EPB41L3: variants seen among roughly 807,000 people sequenced by gnomAD.
EPB41L3 encodes the protein erythrocyte membrane protein band 4.1 like 3, also known as band 4.1-like protein 3.
A neutral mutation model predicts 127.1 loss-of-function variants in EPB41L3; 57 were observed. The observed-to-expected ratio is 0.45, with a 90% confidence interval of 0.36 to 0.56. The LOEUF is 0.56. Among genes scored for constraint, EPB41L3 ranks in the 20% least tolerant of loss-of-function variants. The pLI, the probability that EPB41L3 is intolerant of heterozygous loss-of-function variation, is 0.00. For synonymous variants in EPB41L3, 572 were observed against 549.5 expected, an observed-to-expected ratio of 1.04 and a Z score of -0.57; for missense variants, 1,273 against 1,372.2, an observed-to-expected ratio of 0.93 and a Z score of 1.14.
At chr18:5,442,369 A>G (rs997488085) in intron 5 of EPB41L3, among the ~76,000 whole-genome samples, 2 of 152,190 alleles carry the variant, frequency 1.3e-5, no homozygotes, top group Non-Finnish European at 2.9e-5. Flanking sequence ...TCCCTCAAAC[A>G]TACGGTAAAG....
rs2079374959 is a variant in EPB41L3 at position 5,434,028 on chromosome 18, G to A, written c.699C>T (p.Val233=). ...VTLALLGSYT[V]QSELGDYDPD... ...GGTCATAGTCTCCGAGCTCTGACTG[G>A]ACAGTGTAGGAGCCCAGCAAGGCCA... Residue 233 remains valine (V), a synonymous_variant, in exon 7 of 23, where the codon GTC becomes GTT. Coordinates refer to ENST00000341928, the MANE Select transcript of EPB41L3 (RefSeq NM_012307.5). 6.2e-7 allele frequency: 1 copy of A among 1,614,138 alleles called. No homozygotes were observed. The highest frequency in any genetic ancestry group is 8.5e-7 in the Non-Finnish European group (1 of 1,180,020).
In EPB41L3 at chr18:5,424,304, T is replaced by C; in HGVS notation, c.1121A>G (p.Lys374Arg). The C allele has an allele frequency of 1.2e-6, 2 of 1,609,004 alleles. No homozygotes were observed. Among genetic ancestry groups the C allele is most frequent in the Non-Finnish European group, 1.7e-6 (2 of 1,177,766 alleles). ...GFKLPNHRAAKRLWKVCVEHH... is the reference protein window; with the variant it reads ...GFKLPNHRAARRLWKVCVEHH... ...CTCAACACATACTTTCCATAAACGC[T>C]TGGCAGCTCGATGGTTTGGCAGCTT... The change falls in exon 10 of 23, where the codon AAG (lysine) becomes AGG (arginine). Residue 374 changes from lysine to arginine, a missense_variant. Lys to Arg is a conservative substitution (Grantham distance 26). This residue lies in a region of EPB41L3 where 326 missense variants were observed against 440.2 expected (regional missense o/e 0.74). Coordinates refer to ENST00000341928, the MANE Select transcript of EPB41L3 (RefSeq NM_012307.5).
Position 5,543,621 on chromosome 18 carries a change from G to A in EPB41L3, c.-12+292C>T, listed in dbSNP as rs983441303. Among the ~76,000 whole-genome samples, 2 of 147,206 alleles carry A rather than the reference G, an allele frequency of 1.4e-5. No individual in the cohort carries two copies. Among genetic ancestry groups the A allele is most frequent in the African/African-American group, 4.9e-5 (2 of 40,966 alleles). ...AGGGAGGCCCCCAGGCCGGAGGCCG[G>A]GGCTCAGGCTCTGCGCGCCGGCCCA... is the stretch of plus-strand genomic sequence containing the variant. On this transcript the variant is annotated intron_variant, in intron 1 of 22. Coordinates refer to ENST00000341928, the MANE Select transcript of EPB41L3 (RefSeq NM_012307.5). The surrounding 1 kb of genome is among the most constrained non-coding windows in gnomAD (Gnocchi z 5.2).
chr18:5,533,991 C>A (rs541286649), intron 1 of EPB41L3, among the ~76,000 whole-genome samples: 3 of 152,160 alleles, frequency 2.0e-5, no homozygotes, highest in African/African-American at 7.2e-5. Context: ...AGTGAAACCC[C>A]GTCTCCACTA....
chr18:5,432,360 C>G (rs2079118026), intron 8 of EPB41L3, among the ~76,000 whole-genome samples: 1 of 152,180 alleles, frequency 6.6e-6, no homozygotes, highest in Non-Finnish European at 1.5e-5. Flanking sequence ...ACTGCACATT[C>G]TGTGAGTCTC....
intron 1 of EPB41L3, among the ~76,000 whole-genome samples, chr18:5,507,123 T>C (rs2092259531): frequency 6.6e-6 from 1 of 152,158 alleles, no homozygotes; most frequent in African/African-American, 2.4e-5. Context: ...TCCTAAATCC[T>C]GACCCTAATG....
chr18:5,538,995 ATTTTTTTTTTT>A (rs757227800), intron 1 of EPB41L3, among the ~76,000 whole-genome samples: 15 of 115,212 alleles, frequency 1.3e-4, no homozygotes, highest in African/African-American at 4.6e-4. Context: ...TTTCTCCAAG[ATTTTTTTTTTT>A]TTTTTTTTTT....
chr18:5,457,798 G>C (rs962026769), intron 3 of EPB41L3, among the ~76,000 whole-genome samples: 1 of 152,050 alleles, frequency 6.6e-6, no homozygotes, highest in South Asian at 2.1e-4. Flanking sequence ...CCTTCTACCC[G>C]TTCGTCCTTC....
In EPB41L3 at chr18:5,628,610, C is replaced by G. The variant is rs527922166; in HGVS notation, c.-468+312G>C. On this transcript the variant is annotated intron_variant, in intron 1 of 21. Coordinates refer to the EPB41L3 transcript ENST00000545076. ...GCTCCCGGGAGGATTTCGCCTCCAG[C>G]ACCTCAGGCTTTTCTGGCGCAAAGG... is the stretch of plus-strand genomic sequence containing the variant. Among the ~76,000 whole-genome samples, 526 of 152,366 alleles carry G rather than the reference C, an allele frequency of 3.5e-3. 2 individuals carry two copies. Among genetic ancestry groups the G allele is most frequent in the Non-Finnish European group, 4.8e-3 (329 of 68,034 alleles).
In EPB41L3 at chr18:5,434,113, A is replaced by G. The variant is rs2079386870; in HGVS notation, c.614T>C (p.Leu205Pro). Residue 205 changes from leucine (L) to proline (P), a missense_variant, in exon 7 of 23, where the codon CTC becomes CCC. Around this residue, in one of 3 missense-constraint regions of EPB41L3, gnomAD observed 326 missense variants for 440.2 expected, o/e 0.74. Coordinates refer to ENST00000341928, the MANE Select transcript of EPB41L3 (RefSeq NM_012307.5). Reference sequence around the variant, plus strand: ...GATGTCATCTCGCAACTGCAAGCAGAGGTAGTACCTTCCAGGAACCAAAAG... The same window carrying G: ...GATGTCATCTCGCAACTGCAAGCAGGGGTAGTACCTTCCAGGAACCAAAAG... ...QLSEDITRYY[L>P]CLQLRDDIVS... 6.2e-7 allele frequency: 1 copy of G among 1,613,938 alleles called. No homozygotes were observed. The highest frequency in any genetic ancestry group is 1.1e-5 in the South Asian group (1 of 91,088).
rs1055777488 is a variant in EPB41L3 at position 5,569,014 on chromosome 18, A to C, written c.-306+43326T>G. 4.2e-4 allele frequency among the ~76,000 whole-genome samples: 64 copies of C among 152,360 alleles called. 1 individual carries two copies. The highest frequency in any genetic ancestry group is 1.2e-3 in the Admixed American group (18 of 15,306). On this transcript the variant is annotated intron_variant, in intron 3 of 21. Transcript: ENST00000545076. ...ACATTTCTATCAATATAATCTTACAAAATTCCTCTTGATTACAATCTGTAG... is the reference window on the plus strand; with the variant it reads ...ACATTTCTATCAATATAATCTTACACAATTCCTCTTGATTACAATCTGTAG...
At chr18:5,616,467 T>G (rs1411023545) in intron 1 of EPB41L3, among the ~76,000 whole-genome samples, 2 of 152,250 alleles carry the variant, frequency 1.3e-5, no homozygotes, top group East Asian at 1.9e-4. Flanking sequence ...CAATATTATA[T>G]ATATTATATC....
intron 3 of EPB41L3, among the ~76,000 whole-genome samples, chr18:5,564,000 G>T (rs773576092): frequency 5.3e-5 from 8 of 152,112 alleles, no homozygotes; most frequent in Non-Finnish European, 1.0e-4. Flanking sequence ...TTGAACAAGC[G>T]CTGTCTTGAG....
intron 1 of EPB41L3, among the ~76,000 whole-genome samples, chr18:5,493,098 T>G (rs903916558): frequency 4.6e-5 from 7 of 152,210 alleles, no homozygotes; most frequent in African/African-American, 1.4e-4. Flanking sequence ...ATCCTCATCT[T>G]TTCCACTTTT....
chr18:5,437,357 C>A (rs184267948), intron 6 of EPB41L3, among the ~76,000 whole-genome samples: 3 of 152,320 alleles, frequency 2.0e-5, no homozygotes, highest in African/African-American at 7.2e-5. Context: ...CAGGACCTGA[C>A]CTGCGGGCAC....
At chr18:5,556,981 G>T (rs1486109127) in intron 3 of EPB41L3, among the ~76,000 whole-genome samples, 1 of 146,512 alleles carries the variant, frequency 6.8e-6, no homozygotes, top group Non-Finnish European at 1.6e-5. Flanking sequence ...CAGCTGGGGG[G>T]CCCCGGGGGT....
At chr18:5,470,439 T>C (rs898027513) in intron 3 of EPB41L3, among the ~76,000 whole-genome samples, 2 of 152,166 alleles carry the variant, frequency 1.3e-5, no homozygotes, top group Admixed American at 1.3e-4. Flanking sequence ...TGGATTAAAA[T>C]TGTAAAGAAG....
upstream of EPB41L3, among the ~76,000 whole-genome samples, chr18:5,630,125 G>A (rs2094976509): frequency 1.3e-5 from 2 of 152,196 alleles, no homozygotes; most frequent in South Asian, 4.1e-4. Flanking sequence ...CTTAAACCGG[G>A]CGCAAGCCCT....
At chr18:5,441,655 G>T (rs371135909) in intron 5 of EPB41L3, among the ~76,000 whole-genome samples, 1 of 151,140 alleles carries the variant, frequency 6.6e-6, no homozygotes, top group East Asian at 1.9e-4. Context: ...TAGTAGAGAC[G>T]GGGTTTCACC....
Sources: gnomAD v4.1 joint callset for allele counts (sites outside exome capture counted in the v4.1 genomes callset) on GRCh38, gnomAD v4.1.1 for gene constraint, gnomAD v4.1.1 regional missense constraint, Gnocchi (gnomAD v3.1) non-coding constraint, MANE v1.5 for transcripts, NCBI Gene and HGNC (gene_info 2026-07-23, HGNC 2026-07-21) for gene names.